The following RMDN1 variants were observed in gnomAD, a reference collection of about 807,000 sequenced individuals.
The protein encoded by RMDN1 is regulator of microtubule dynamics protein 1.
RMDN1 carries 48 observed loss-of-function variants against 48.9 expected under a neutral mutation model. The ratio of observed to expected loss-of-function variants is 0.98; its 90% CI spans 0.78 to 1.25. The LOEUF is 1.25. RMDN1 is among the 50% of genes most tolerant of loss of function. The pLI, the probability that RMDN1 is intolerant of heterozygous loss-of-function variation, is 0.00. For missense variants in RMDN1, 418 were observed against 373.4 expected (o/e 1.12, Z -0.98); for synonymous variants, 148 against 132.6 (o/e 1.12, Z -0.80).
intron 2 of RMDN1, among the ~76,000 whole-genome samples, chr8:86,499,880 G>A (rs1817935877): frequency 6.6e-6 from 1 of 152,136 alleles, no homozygotes; most frequent in Non-Finnish European, 1.5e-5. Flanking sequence ...CAGAAATAAA[G>A]CTGCACATCT....
intron 1 of RMDN1, 99 bp from the exon 2 acceptor site, chr8:86,507,211 A>C: frequency 1.4e-6 from 1 of 691,664 alleles, no homozygotes; most frequent in South Asian, 1.8e-5. Context: ...CCCCCAAAGC[A>C]ATCGATCATA....
chr8:86,509,076 T>C (rs1480168890), upstream of RMDN1, among the ~76,000 whole-genome samples: 2 of 152,128 alleles, frequency 1.3e-5, no homozygotes, highest in Non-Finnish European at 2.9e-5. Flanking sequence ...TGGGTCTTTT[T>C]TGGAAGTAAA....
chr8:86,474,089 C>G lies in RMDN1; in HGVS notation c.*219G>C. 7.8e-7 allele frequency: 1 copy of G among 1,276,514 alleles called. No individual in the cohort carries two copies. The highest frequency in any genetic ancestry group is 2.2e-5 in the South Asian group (1 of 45,000). The allele number at this position is 1,276,514 out of a possible 1,614,324, so 79.1% of individuals were successfully genotyped here. ...TGGTATCCAGGATGCAAAATAATCTCTTTGCCTGAGCCATGGAGATTTATT... is the reference window on the plus strand; with the variant it reads ...TGGTATCCAGGATGCAAAATAATCTGTTTGCCTGAGCCATGGAGATTTATT... On this transcript the variant is annotated 3_prime_UTR_variant, in exon 10 of 10. Transcript: ENST00000406452.
At chr8:86,506,267 C>G (rs1010353580) in intron 2 of RMDN1, among the ~76,000 whole-genome samples, 17 of 152,152 alleles carry the variant, frequency 1.1e-4, no homozygotes, top group African/African-American at 3.6e-4. Context: ...TAACTCATAT[C>G]TTTAAAGGAA....
intron 7 of RMDN1, chr8:86,477,932 G>A (rs1374079378): frequency 6.6e-6 from 1 of 151,572 alleles, no homozygotes; most frequent in African/African-American, 2.4e-5. Flanking sequence ...TGTTGCCCAG[G>A]CTGGAATGCT....
intron 2 of RMDN1, among the ~76,000 whole-genome samples, chr8:86,506,580 T>G (rs1416034679): frequency 6.6e-6 from 1 of 152,256 alleles, no homozygotes; most frequent in Non-Finnish European, 1.5e-5. Context: ...TTATTTTTTC[T>G]GTGTTCCTAC....
chr8:86,503,124 C>T (rs1269006098), intron 2 of RMDN1, among the ~76,000 whole-genome samples: 1 of 151,898 alleles, frequency 6.6e-6, no homozygotes, highest in Non-Finnish European at 1.5e-5. Flanking sequence ...GAGGCCGAGG[C>T]GGCCAGATCA....
intron 2 of RMDN1, among the ~76,000 whole-genome samples, chr8:86,499,861 T>C (rs936474507): frequency 1.4e-4 from 22 of 152,158 alleles, no homozygotes; most frequent in Non-Finnish European, 2.9e-5. Flanking sequence ...TGGAACAGGT[T>C]AGAGAACTCA....
Position 86,473,350 on chromosome 8 carries a change from G to A in RMDN1, c.*958C>T. ...AGCCTCAAGTGAGTAGCATAGTCCT[G>A]CCTATTTAAAAACATCTTAGTATTC... On this transcript the variant is annotated 3_prime_UTR_variant, in exon 10 of 10. Coordinates refer to ENST00000406452, the MANE Select transcript of RMDN1 (RefSeq NM_016033.3). 1.0e-6 allele frequency: 1 copy of A among 985,188 alleles called. No homozygotes were observed. The highest frequency in any genetic ancestry group is 1.2e-6 in the Non-Finnish European group (1 of 829,780). 61.0% of individuals were successfully genotyped at this position (985,188 alleles called of 1,614,324 possible).
intron 2 of RMDN1, among the ~76,000 whole-genome samples, chr8:86,494,541 G>A (rs1817007645): frequency 6.6e-6 from 1 of 152,196 alleles, no homozygotes; most frequent in African/African-American, 2.4e-5. Flanking sequence ...GGGTGACAGA[G>A]CGAGACTCTG....
At chr8:86,497,774 T>C (rs1586735066) in intron 2 of RMDN1, among the ~76,000 whole-genome samples, 1 of 139,190 alleles carries the variant, frequency 7.2e-6, no homozygotes, top group African/African-American at 2.7e-5. Flanking sequence ...AGAATGACAA[T>C]GGGAATATTA....
chr8:86,497,245 G>A (rs933387927), intron 2 of RMDN1, among the ~76,000 whole-genome samples: 2 of 152,090 alleles, frequency 1.3e-5, no homozygotes, highest in South Asian at 4.1e-4. Context: ...AGAAACAAGA[G>A]CAAACCAAAT....
At chr8:86,468,646 T>G, downstream of RMDN1, 1 of 455,438 alleles carries the variant, frequency 2.2e-6, no homozygotes, top group Non-Finnish European at 4.4e-6. Flanking sequence ...CAGTTCGTTT[T>G]CAGGGTGCTG....
chr8:86,507,436 A>C (rs1471620104), intron 1 of RMDN1, among the ~76,000 whole-genome samples: 1 of 152,234 alleles, frequency 6.6e-6, no homozygotes, highest in Non-Finnish European at 1.5e-5. Flanking sequence ...CCAACACATA[A>C]TAAAAATGAA....
At chr8:86,507,982 A>C (rs1819660610) in intron 1 of RMDN1, 1 of 152,716 alleles carries the variant, frequency 6.5e-6, no homozygotes, top group African/African-American at 2.4e-5. Context: ...CAGAACTGAG[A>C]CTACAACATG....
chr8:86,506,985 T>G lies in RMDN1; in HGVS notation c.247+10A>C. 3 of 1,468,952 alleles carry G rather than the reference T, an allele frequency of 2.0e-6. No homozygotes were observed. The highest frequency in any genetic ancestry group is 2.8e-6 in the Non-Finnish European group (3 of 1,055,586). The allele number at this position is 1,468,952 out of a possible 1,614,324, so 91.0% of individuals were successfully genotyped here. A position where few individuals can be genotyped will look rare whatever the true frequency, so the allele number is the denominator to read the frequency against. On this transcript the variant is annotated intron_variant, in intron 2 of 9. Coordinates refer to ENST00000406452, the MANE Select transcript of RMDN1 (RefSeq NM_016033.3). ...ACTCTAAATGTTCCATATATCTAAT[T>G]TATGCTTACCTTTGGCTGTGGCATG... is the stretch of plus-strand genomic sequence containing the variant.
At chr8:86,479,041 C>A in intron 6 of RMDN1, 31 bp from the exon 7 acceptor site, 1 of 1,434,796 alleles carries the variant, frequency 7.0e-7, no homozygotes, top group South Asian at 1.1e-5. Context: ...TTTATACATT[C>A]AAATTGTACC....
At chr8:86,499,619 C>G (rs1179582849) in intron 2 of RMDN1, among the ~76,000 whole-genome samples, 1 of 151,190 alleles carries the variant, frequency 6.6e-6, no homozygotes, top group Non-Finnish European at 1.5e-5. Flanking sequence ...CTGCCCAAAG[C>G]AATTTACAGA....
intron 2 of RMDN1, chr8:86,505,410 G>A (rs1216354682): frequency 1.1e-5 from 5 of 455,912 alleles, no homozygotes; most frequent in South Asian, 1.5e-5. Context: ...AAAGTAAGGC[G>A]CAGTTCCCCC....
Sources: gnomAD v4.1 joint callset for allele counts (sites outside exome capture counted in the v4.1 genomes callset) on GRCh38, gnomAD v4.1.1 for gene constraint, MANE v1.5 for transcripts, NCBI Gene and HGNC (gene_info 2026-07-23, HGNC 2026-07-21) for gene names.